The following KATNAL1 variants were observed in gnomAD, a reference collection of about 807,000 sequenced individuals.
KATNAL1 encodes katanin p60 ATPase-containing subunit A-like 1.
Under a neutral mutation model 55.2 loss-of-function variants are expected in KATNAL1, and 32 were observed. That is an observed-to-expected ratio of 0.58 (90% confidence interval 0.44 to 0.78). The LOEUF (loss-of-function observed/expected upper bound fraction) is 0.78, where lower values mean the gene tolerates loss of function less well. Ranked by LOEUF, KATNAL1 falls within the 30% of genes least tolerant of loss-of-function variation. The probability of loss-of-function intolerance (pLI) is 0.00; values close to 1 mark genes in which losing one functional copy is unlikely to be tolerated. For missense variants in KATNAL1, 466 were observed against 600.9 expected (o/e 0.78, Z 2.35); for synonymous variants, 193 against 193.6 (o/e 1.00, Z 0.02).
intron 1 of KATNAL1, among the ~76,000 whole-genome samples, chr13:30,302,031 C>A (rs1882889813): frequency 6.6e-6 from 1 of 152,138 alleles, no homozygotes; most frequent in East Asian, 1.9e-4. Context: ...GCAGCCACGC[C>A]TGGCTAATTT....
At chr13:30,214,216 GGAC>G (rs1873979449) in intron 9 of KATNAL1, among the ~76,000 whole-genome samples, 1 of 152,038 alleles carries the variant, frequency 6.6e-6, no homozygotes, top group Non-Finnish European at 1.5e-5. Context: ...AACTTACAAG[GGAC>G]ATGAAGGACC....
At chr13:30,256,590 G>A (rs541898662) in intron 3 of KATNAL1, among the ~76,000 whole-genome samples, 15 of 151,848 alleles carry the variant, frequency 9.9e-5, no homozygotes, top group Non-Finnish European at 2.2e-4. Flanking sequence ...TCATCATGGA[G>A]TTCCGTTCCT....
intron 3 of KATNAL1, among the ~76,000 whole-genome samples, chr13:30,276,360 A>G (rs1880840115): frequency 6.6e-6 from 1 of 152,240 alleles, no homozygotes; most frequent in Non-Finnish European, 1.5e-5. Flanking sequence ...CTTGGTAGTC[A>G]GCAATAGGAA....
At position 30,260,715 on chromosome 13, in the gene KATNAL1, C is replaced by T. The variant is rs574339918; in HGVS notation, c.324-5100G>A. On this transcript the variant is annotated intron_variant, in intron 3 of 10. Coordinates refer to ENST00000380615, the MANE Select transcript of KATNAL1 (RefSeq NM_032116.5). ...AGCAAAGCCTCCAAGAAATATGGGA[C>T]TATGTGAAAAGACCAAATCTACATC... Among the ~76,000 whole-genome samples, 8 of 150,884 alleles carry T rather than the reference C, an allele frequency of 5.3e-5. No homozygotes were observed. The East Asian group carries it at 1.4e-3, about 26-fold the overall frequency.
At position 30,206,447 on chromosome 13, in the gene KATNAL1, A is replaced by G. The variant is rs1873158554; in HGVS notation, c.*2093T>C. The G allele has an allele frequency of 6.6e-6, 1 of 152,172 alleles. No individual in the cohort carries two copies. Among genetic ancestry groups the G allele is most frequent in the Non-Finnish European group, 1.5e-5 (1 of 68,030 alleles). 9.4% of individuals were successfully genotyped at this position (152,172 alleles called of 1,614,324 possible). ...AAAAAGCACACCTGACTCACTTAAC[A>G]TAGTAAAGTTAGGCTCCCAGGAAGT... On this transcript the variant is annotated 3_prime_UTR_variant, in exon 11 of 11. Coordinates refer to ENST00000380615, the MANE Select transcript of KATNAL1 (RefSeq NM_032116.5).
chr13:30,205,749 ACTGTGTGT>A lies in KATNAL1; in HGVS notation c.*2783_*2790del, dbSNP rs1044372078. The A allele has an allele frequency of 8.7e-6, 1 of 114,874 alleles. No individual in the cohort carries two copies. Among genetic ancestry groups the A allele is most frequent in the African/African-American group, 4.5e-5 (1 of 22,236 alleles). 7.1% of individuals were successfully genotyped at this position (114,874 alleles called of 1,614,324 possible). On this transcript the variant is annotated 3_prime_UTR_variant, in exon 11 of 11. Coordinates refer to ENST00000380615, the MANE Select transcript of KATNAL1 (RefSeq NM_032116.5). ...CAACACACTGTCTTCTGCAATAAAG[ACTGTGTGT>A]GTGTGTGTGTGTGTGTGTGTGTGTG...
At chr13:30,284,353 G>A (rs1881630642) in intron 1 of KATNAL1, among the ~76,000 whole-genome samples, 1 of 152,024 alleles carries the variant, frequency 6.6e-6, no homozygotes, top group Non-Finnish European at 1.5e-5. Context: ...CCGGACACTA[G>A]TTTTCCTTAT....
intron 1 of KATNAL1, chr13:30,296,679 G>T: frequency 1.5e-6 from 1 of 650,688 alleles, no homozygotes; most frequent in South Asian, 1.4e-5. Flanking sequence ...GCTTGGCAGT[G>T]ACACAATTAA....
intron 9 of KATNAL1, among the ~76,000 whole-genome samples, chr13:30,221,902 T>A (rs191517947): frequency 1.3e-5 from 2 of 152,018 alleles, no homozygotes; most frequent in South Asian, 4.1e-4. Flanking sequence ...AAGTATAAAA[T>A]TAGCCAGGTG....
intron 3 of KATNAL1, among the ~76,000 whole-genome samples, chr13:30,266,544 T>C (rs748314259): frequency 4.6e-5 from 7 of 152,212 alleles, no homozygotes; most frequent in Non-Finnish European, 8.8e-5. Flanking sequence ...TGCATTTTCA[T>C]GCATGAAAAA....
Position 30,283,703 on chromosome 13 carries a change from T to C in KATNAL1, c.75A>G (p.Ser25=). The C allele has an allele frequency of 6.2e-7, 1 of 1,614,050 alleles. No homozygotes were observed. The highest frequency in any genetic ancestry group is 1.7e-5 in the Admixed American group (1 of 60,012). ...EYALLGNYDS[S]MVYYQGVMQQ... is the part of the protein sequence containing the mutation. ...GCATCACCCCCTGGTAATATACCAT[T>C]GATGAGTCGTAATTTCCAAGAAGGG... The change falls in exon 2 of 11, where the codon TCA becomes TCG. Residue 25 remains serine, a synonymous_variant. Coordinates refer to ENST00000380615, the MANE Select transcript of KATNAL1 (RefSeq NM_032116.5).
At position 30,248,874 on chromosome 13, in the gene KATNAL1, ACAGTGAAACCC is replaced by A. The variant is rs1342933524; in HGVS notation, c.492+6562_492+6572del. 9.9e-5 allele frequency among the ~76,000 whole-genome samples: 15 copies of A among 152,268 alleles called. No homozygotes were observed. The East Asian group carries it at 2.9e-3, about 29-fold the overall frequency. On this transcript the variant is annotated intron_variant, in intron 4 of 10. Transcript: ENST00000380615. Reference sequence around the variant, plus strand: ...GGAGATCAAGACCATCCTGGCTAACACAGTGAAACCCCATCTCTACCAAAAATACAAAAAAT... The same window carrying A: ...GGAGATCAAGACCATCCTGGCTAACACATCTCTACCAAAAATACAAAAAAT...
chr13:30,238,083 G>A (rs1250358841), intron 6 of KATNAL1, among the ~76,000 whole-genome samples: 1 of 152,062 alleles, frequency 6.6e-6, no homozygotes, highest in Non-Finnish European at 1.5e-5. Context: ...TTGCAACCAG[G>A]TTGTTTTTCC....
At chr13:30,231,910 T>G (rs1876140882) in intron 6 of KATNAL1, among the ~76,000 whole-genome samples, 1 of 152,224 alleles carries the variant, frequency 6.6e-6, no homozygotes, top group Admixed American at 6.5e-5. Context: ...CCACAGTGCA[T>G]TTATAATACA....
intron 7 of KATNAL1, 42 bp downstream of exon 7, chr13:30,231,272 C>A: frequency 6.5e-7 from 1 of 1,542,994 alleles, no homozygotes; most frequent in South Asian, 1.3e-5. Flanking sequence ...GCATCATAGG[C>A]CTACACACAC....
chr13:30,217,299 A>G (rs1874384359), intron 9 of KATNAL1, among the ~76,000 whole-genome samples: 1 of 151,994 alleles, frequency 6.6e-6, no homozygotes, highest in South Asian at 2.1e-4. Flanking sequence ...AAAAATACAA[A>G]AAAAATTAGC....
At chr13:30,270,931 A>C (rs1880303363) in intron 3 of KATNAL1, among the ~76,000 whole-genome samples, 1 of 152,160 alleles carries the variant, frequency 6.6e-6, no homozygotes, top group Admixed American at 6.5e-5. Flanking sequence ...ATAAAATAAA[A>C]AAAAAAAAAG....
At chr13:30,304,809 A>G (rs1159399211) in intron 1 of KATNAL1, among the ~76,000 whole-genome samples, 2 of 152,182 alleles carry the variant, frequency 1.3e-5, no homozygotes, top group Middle Eastern at 3.2e-3. Context: ...TTTCACCCCA[A>G]TAAAAACCAG....
intron 2 of KATNAL1, among the ~76,000 whole-genome samples, chr13:30,281,322 G>T (rs997607964): frequency 1.3e-5 from 2 of 151,848 alleles, no homozygotes; most frequent in African/African-American, 4.8e-5. Flanking sequence ...AAATTCAACA[G>T]CTAATACATG....
Sources: gnomAD v4.1 joint callset for allele counts (sites outside exome capture counted in the v4.1 genomes callset) on GRCh38, gnomAD v4.1.1 for gene constraint, MANE v1.5 for transcripts, NCBI Gene and HGNC (gene_info 2026-07-23, HGNC 2026-07-21) for gene names.